The following RNF213 variants were observed in gnomAD, a reference collection of about 807,000 sequenced individuals.
The protein encoded by RNF213 is E3 ubiquitin-protein ligase RNF213.
In RNF213, 341 loss-of-function variants were observed where a neutral mutation model predicts 514.4. That is an observed-to-expected ratio of 0.66 (90% CI 0.61 to 0.73). The LOEUF (loss-of-function observed/expected upper bound fraction) is 0.73, where lower values mean the gene tolerates loss of function less well. RNF213 is among the 30% of genes least tolerant of loss of function. The probability of loss-of-function intolerance (pLI) is 0.00; values close to 1 mark genes in which losing one functional copy is unlikely to be tolerated. For missense variants in RNF213, 5,767 were observed against 6,615.6 expected, an observed-to-expected ratio of 0.87 and a Z score of 4.45; for synonymous variants, 2,655 against 2,658.2, an observed-to-expected ratio of 1.00 and a Z score of 0.04.
intron 20 of RNF213, among the ~76,000 whole-genome samples, chr17:80,330,407 T>C (rs1568080252): frequency 6.6e-6 from 1 of 152,192 alleles, no homozygotes; most frequent in Non-Finnish European, 1.5e-5. Context: ...GACCTGGAAG[T>C]TGGCCTGTCT....
chr17:80,388,351 G>A (rs760355065), intron 63 of RNF213, among the ~76,000 whole-genome samples: 44 of 152,288 alleles, frequency 2.9e-4, no homozygotes, highest in Non-Finnish European at 5.3e-4. Flanking sequence ...TTGCCCTAGC[G>A]CCTCCTGTGG....
chr17:80,347,452 C>T lies in RNF213; in HGVS notation c.9117C>T (p.Ser3039=). 6.2e-7 allele frequency: 1 copy of T among 1,614,024 alleles called. No individual in the cohort carries two copies. Among genetic ancestry groups the T allele is most frequent in the African/African-American group, 1.3e-5 (1 of 75,048 alleles). Residue 3039 remains serine (S), a synonymous_variant, in exon 29 of 68, where the codon TCC becomes TCT. Transcript: ENST00000582970. The surrounding 1 kb of genome is among the most constrained non-coding windows in gnomAD (Gnocchi z 7.2). ...GTGGAGAGCAGGAAGATGCTGAGTC[C>T]CGCTACTTACTCGTGCTGACCAAAA... is the stretch of plus-strand genomic sequence containing the variant. ...VPGGEQEDAE[S]RYLLVLTKNY...
chr17:80,344,062 T>A (rs1431115363), intron 28 of RNF213, 47 bp downstream of exon 28: 2 of 1,591,964 alleles, frequency 1.3e-6, no homozygotes, highest in Admixed American at 1.8e-5. Flanking sequence ...GCTCTTGGGT[T>A]CTTTCTGGTC....
At chr17:80,276,755 G>T (rs117505420) in intron 3 of RNF213, among the ~76,000 whole-genome samples, 161 of 151,124 alleles carry the variant, frequency 1.1e-3, no homozygotes, top group Non-Finnish European at 2.0e-3. Context: ...CAAAAGTTAC[G>T]CATAAAATTA....
chr17:80,288,047 C>A lies in RNF213; in HGVS notation c.494C>A (p.Ala165Glu). The A allele has an allele frequency of 6.2e-7, 1 of 1,604,670 alleles. No individual in the cohort carries two copies. Among genetic ancestry groups the A allele is most frequent in the Non-Finnish European group, 8.5e-7 (1 of 1,175,624 alleles). The change falls in exon 4 of 68, where the codon GCG (alanine) becomes GAG (glutamate). Residue 165 changes from alanine to glutamate, a missense_variant. By Grantham distance (107) the Ala-to-Glu change is moderately radical. Around this residue, in one of 13 missense-constraint regions of RNF213, gnomAD observed 509 missense variants for 496.7 expected, o/e 1.02. Transcript: ENST00000582970. The surrounding 1 kb of genome is among the most constrained non-coding windows in gnomAD (Gnocchi z 4.9). Reference sequence around the variant, plus strand: ...CCACTGGAGGGTGACGGCCTCTCCGCGCCCACCGAGGTTGGCGACAGCCCC... The same window carrying A: ...CCACTGGAGGGTGACGGCCTCTCCGAGCCCACCGAGGTTGGCGACAGCCCC... ...TTPLEGDGLS[A>E]PTEVGDSPLQ... is the part of the protein sequence containing the mutation.
Position 80,389,668 on chromosome 17 carries a change from A to G in RNF213, c.15196-160A>G, listed in dbSNP as rs1013563508. Among the ~76,000 whole-genome samples the G allele has an allele frequency of 3.9e-5, 6 of 152,222 alleles. No homozygotes were observed. The highest frequency in any genetic ancestry group is 8.8e-5 in the Non-Finnish European group (6 of 68,030). On this transcript the variant is annotated intron_variant, in intron 65 of 67. Transcript: ENST00000582970. ...AGGTGCCGCAGGAGGGAACTGGTAG[A>G]TAGGACAGAGATGGCCTTCACAAGG...
Position 80,395,901 on chromosome 17 carries a change from C to T in RNF213, c.*2403C>T, listed in dbSNP as rs1426723041. 1 of 152,336 alleles carries T rather than the reference C, an allele frequency of 6.6e-6. No individual in the cohort carries two copies. Among genetic ancestry groups the T allele is most frequent in the African/African-American group, 2.4e-5 (1 of 41,454 alleles). 9.4% of individuals were successfully genotyped at this position (152,336 alleles called of 1,614,324 possible). On this transcript the variant is annotated 3_prime_UTR_variant, in exon 68 of 68. Transcript: ENST00000582970. ...TTTGTCTGCCCTGCGCCAGCCTCAC[C>T]TCACCCTGCAGTTCCCGTTTCCGCC...
intron 59 of RNF213, among the ~76,000 whole-genome samples, chr17:80,384,287 G>A (rs1424535034): frequency 6.6e-6 from 1 of 152,182 alleles, no homozygotes; most frequent in Non-Finnish European, 1.5e-5. Context: ...AGCATGGGCA[G>A]ATCAAACAAA....
At chr17:80,372,828 C>G in intron 48 of RNF213, 94 bp downstream of exon 48, 1 of 1,401,110 alleles carries the variant, frequency 7.1e-7, no homozygotes, top group Non-Finnish European at 9.9e-7. Context: ...GAATAGACTA[C>G]TACTGGGCTT....
At chr17:80,355,319 G>T (rs1203098455) in intron 36 of RNF213, 9 of 451,558 alleles carry the variant, frequency 2.0e-5, no homozygotes, top group African/African-American at 1.5e-4. Flanking sequence ...AAGAAGCGGG[G>T]TGAACGGTAA....
rs191830582 is a variant in RNF213, at chr17:80,362,454, T to C, written c.11355+566T>C. Among the ~76,000 whole-genome samples the C allele has an allele frequency of 4.5e-4, 69 of 152,356 alleles. 3 individuals are homozygous for C. In the South Asian group the frequency reaches 5.2e-3, roughly 11 times the overall value. The stretch of plus-strand genomic sequence containing the variant: ...AAGCATATCAACATCCAGGAAACAT[T>C]TGAAAAATTGCTTAGCCTTACTATT... On this transcript the variant is annotated intron_variant, in intron 39 of 67. Coordinates refer to ENST00000582970, the MANE Select transcript of RNF213 (RefSeq NM_001256071.3).
At chr17:80,354,824 AAGTAAAACATCT>A (rs1164867524) in intron 36 of RNF213, 5 of 531,128 alleles carry the variant, frequency 9.4e-6, no homozygotes, top group African/African-American at 7.6e-5. Flanking sequence ...AACTTAAAAA[AAGTAAAACATCT>A]GTTCTTAGAG....
chr17:80,268,221 G>A (rs1352875658), intron 2 of RNF213, among the ~76,000 whole-genome samples: 1 of 151,842 alleles, frequency 6.6e-6, no homozygotes, highest in Non-Finnish European at 1.5e-5. Flanking sequence ...CCATATCTTG[G>A]CTATTGTGAA....
intron 25 of RNF213, among the ~76,000 whole-genome samples, chr17:80,338,930 A>G (rs1445971421): frequency 2.0e-5 from 3 of 151,356 alleles, no homozygotes; most frequent in South Asian, 4.2e-4. Flanking sequence ...CCTGGGCAAC[A>G]ATGCAAGACT....
At chr17:80,323,389 G>C (rs948890052) in intron 17 of RNF213, among the ~76,000 whole-genome samples, 2 of 152,108 alleles carry the variant, frequency 1.3e-5, no homozygotes, top group Non-Finnish European at 2.9e-5. Flanking sequence ...AATTTCATAA[G>C]AATTTTAGAA....
intron 60 of RNF213, 28 bp from the exon 61 acceptor site, chr17:80,385,510 G>A (rs755970549): frequency 2.8e-5 from 45 of 1,606,148 alleles, no homozygotes; most frequent in Non-Finnish European, 3.5e-5. Context: ...GCTATCATAC[G>A]GTTCTTACCA....
At chr17:80,318,698 C>A (rs1182144598) in intron 16 of RNF213, among the ~76,000 whole-genome samples, 2 of 152,246 alleles carry the variant, frequency 1.3e-5, no homozygotes, top group East Asian at 1.9e-4. Flanking sequence ...CTCAGCCTCC[C>A]GAGTAGCTGG....
In RNF213 at chr17:80,359,987, A is replaced by G. The variant is rs1175266229; in HGVS notation, c.11055-74A>G. Reference sequence around the variant, plus strand: ...TTGAGGTCTGAGAAGAGCTGGCATCAGTGGCAGATCTTATCTTGTGTTTTG... The same window carrying G: ...TTGAGGTCTGAGAAGAGCTGGCATCGGTGGCAGATCTTATCTTGTGTTTTG... On this transcript the variant is annotated intron_variant, in intron 37 of 67. Coordinates refer to ENST00000582970, the MANE Select transcript of RNF213 (RefSeq NM_001256071.3). 2.0e-6 allele frequency: 3 copies of G among 1,487,042 alleles called. No individual in the cohort carries two copies. The East Asian group carries it at 6.8e-5, about 34-fold the overall frequency. The allele number at this position is 1,487,042 out of a possible 1,614,324, so 92.1% of individuals were successfully genotyped here. A position where few individuals can be genotyped will look rare whatever the true frequency, so the allele number is the denominator to read the frequency against.
chr17:80,387,692 T>C (rs957076759), intron 63 of RNF213, among the ~76,000 whole-genome samples: 10 of 152,310 alleles, frequency 6.6e-5, no homozygotes, highest in Admixed American at 3.3e-4. Context: ...TCATGGCATA[T>C]GGGATAAAGC....
Sources: gnomAD v4.1 joint callset for allele counts (sites outside exome capture counted in the v4.1 genomes callset) on GRCh38, gnomAD v4.1.1 for gene constraint, gnomAD v4.1.1 regional missense constraint, Gnocchi (gnomAD v3.1) non-coding constraint, MANE v1.5 for transcripts, NCBI Gene and HGNC (gene_info 2026-07-23, HGNC 2026-07-21) for gene names.